Variants in METTL2A observed in about 807,000 individuals in gnomAD.
METTL2A encodes methyltransferase 2A, tRNA N3-cytidine.
A neutral mutation model predicts 49.4 loss-of-function variants in METTL2A; 45 were observed. The ratio of observed to expected loss-of-function variants is 0.91; its 90% CI spans 0.72 to 1.17. The LOEUF (loss-of-function observed/expected upper bound fraction) is 1.17. Ranked by LOEUF, METTL2A falls within the 50% of genes most tolerant of loss-of-function variation. METTL2A has a pLI of 0.00. For missense variants in METTL2A, 361 were observed against 462.2 expected (o/e 0.78, Z 2.01); for synonymous variants, 118 against 167.5 (o/e 0.70, Z 2.28).
At chr17:62,447,818 G>A in intron 8 of METTL2A, 52 bp downstream of exon 8, 1 of 1,608,088 alleles carries the variant, frequency 6.2e-7, no homozygotes, top group Non-Finnish European at 8.5e-7. Flanking sequence ...CAGATGAGAT[G>A]GTCTTCAAGG....
Position 62,423,939 on chromosome 17 carries a change from C to T in METTL2A, c.37C>T (p.Leu13Phe), listed in dbSNP as rs2070603387. ...GSYPEGAPAV[L>F]ADKRQQFGSR... The stretch of plus-strand genomic sequence containing the variant: ...CTACCCTGAAGGTGCACCTGCAGTC[C>T]TCGCCGATAAGAGGCAGCAGTTCGG... Residue 13 changes from leucine to phenylalanine, a missense_variant, in exon 1 of 9, where the codon CTC becomes TTC. Transcript: ENST00000311506. 1.2e-6 allele frequency: 2 copies of T among 1,613,730 alleles called. No individual in the cohort carries two copies. The highest frequency in any genetic ancestry group is 1.7e-6 in the Non-Finnish European group (2 of 1,179,938).
intron 8 of METTL2A, 28 bp from the exon 9 acceptor site, chr17:62,448,547 C>T: frequency 1.2e-6 from 2 of 1,609,068 alleles, no homozygotes; most frequent in Non-Finnish European, 1.7e-6. Context: ...GGGAAAAATG[C>T]ATAAACATCT....
intron 4 of METTL2A, among the ~76,000 whole-genome samples, chr17:62,431,694 G>C (rs780024192): frequency 5.0e-4 from 76 of 151,922 alleles, no homozygotes; most frequent in Non-Finnish European, 8.8e-4. Context: ...ATAATACAGT[G>C]GTTTTTTTGT....
intron 4 of METTL2A, among the ~76,000 whole-genome samples, chr17:62,430,383 A>G (rs2070656440): frequency 1.3e-5 from 2 of 152,220 alleles, no homozygotes; most frequent in African/African-American, 2.4e-5. Context: ...GCTGTGTTCA[A>G]TATCTTGCTA....
intron 7 of METTL2A, 54 bp downstream of exon 7, chr17:62,444,997 C>T: frequency 6.3e-7 from 1 of 1,580,826 alleles, no homozygotes; most frequent in Non-Finnish European, 8.6e-7. Flanking sequence ...TTTGCAGGGA[C>T]ATGGATGAAG....
intron 5 of METTL2A, among the ~76,000 whole-genome samples, chr17:62,438,407 CAAAAAAA>C (rs1232215588): frequency 9.2e-6 from 1 of 108,622 alleles, no homozygotes; most frequent in Non-Finnish European, 2.0e-5. Flanking sequence ...AACTCCATCT[CAAAAAAA>C]AAAAAAAAAA....
At chr17:62,424,395 G>T (rs947332231) in intron 2 of METTL2A, 85 bp downstream of exon 2, 6 of 1,570,856 alleles carry the variant, frequency 3.8e-6, no homozygotes, top group Admixed American at 3.8e-5. Flanking sequence ...AACCGCGGCC[G>T]CCCAGATCCT....
intron 5 of METTL2A, among the ~76,000 whole-genome samples, chr17:62,436,770 C>T (rs1348239107): frequency 2.0e-5 from 3 of 151,994 alleles, no homozygotes; most frequent in Non-Finnish European, 4.4e-5. Context: ...TGAAGTTTAC[C>T]GTATCATTTG....
chr17:62,428,806 C>T (rs1342302956), intron 4 of METTL2A, among the ~76,000 whole-genome samples: 2 of 152,198 alleles, frequency 1.3e-5, no homozygotes, highest in African/African-American at 2.4e-5. Context: ...AGTTTTGAGA[C>T]AAGCTCTTGT....
In METTL2A at chr17:62,452,294, A is replaced by G. The variant is rs554193067; in HGVS notation, c.*3565A>G. Among the ~76,000 whole-genome samples the G allele has an allele frequency of 3.3e-5, 5 of 152,252 alleles. No individual in the cohort carries two copies. In the East Asian group the frequency reaches 9.7e-4, roughly 29 times the overall value. On this transcript the variant is annotated 3_prime_UTR_variant, in exon 9 of 9. Coordinates refer to ENST00000311506, the MANE Select transcript of METTL2A (RefSeq NM_181725.4). ...TGCTGTGTTCCTCCCATAGGATCGT[A>G]TCAGGCGACACATGATTATGAATTT...
chr17:62,426,641 A>G lies in METTL2A; in HGVS notation c.545A>G (p.Tyr182Cys). 3 of 1,443,964 alleles carry G rather than the reference A, an allele frequency of 2.1e-6. No homozygotes were observed. Among genetic ancestry groups the G allele is most frequent in the Non-Finnish European group, 2.9e-6 (3 of 1,043,174 alleles). The allele number at this position is 1,443,964 out of a possible 1,614,324, so 89.4% of individuals were successfully genotyped here. Reference sequence around the variant, plus strand: ...GAGTTTCCTGGATCCTCAGCCACCTACCGAATACTGGAGGTAACCTTTTAT... The same window carrying G: ...GAGTTTCCTGGATCCTCAGCCACCTGCCGAATACTGGAGGTAACCTTTTAT... ...ADEFPGSSATYRILEVGCGVG... is the reference protein window; with the variant it reads ...ADEFPGSSATCRILEVGCGVG... Residue 182 changes from tyrosine (Y) to cysteine (C), a missense_variant, in exon 3 of 9, where the codon TAC (tyrosine) becomes TGC (cysteine). Transcript: ENST00000311506.
At chr17:62,425,564 T>A (rs1180340726) in intron 2 of METTL2A, among the ~76,000 whole-genome samples, 2 of 149,032 alleles carry the variant, frequency 1.3e-5, no homozygotes, top group Non-Finnish European at 3.0e-5. Flanking sequence ...TTTTTTGTAT[T>A]TTAGTACAGA....
At chr17:62,424,387 C>T in intron 2 of METTL2A, 77 bp downstream of exon 2, 1 of 1,585,250 alleles carries the variant, frequency 6.3e-7, no homozygotes, top group Non-Finnish European at 8.6e-7. Flanking sequence ...GGCCAGGGAA[C>T]CGCGGCCGCC....
At chr17:62,446,859 T>C (rs1003904777) in intron 7 of METTL2A, among the ~76,000 whole-genome samples, 10 of 152,160 alleles carry the variant, frequency 6.6e-5, no homozygotes, top group African/African-American at 1.2e-4. Context: ...CATCCCCCTA[T>C]ACCAGTATCT....
At chr17:62,430,943 G>T (rs370497193) in intron 4 of METTL2A, among the ~76,000 whole-genome samples, 2 of 151,746 alleles carry the variant, frequency 1.3e-5, no homozygotes, top group African/African-American at 4.8e-5. Context: ...TTGGCTCACC[G>T]CAACCTCCGC....
intron 4 of METTL2A, among the ~76,000 whole-genome samples, chr17:62,432,067 G>A (rs1215476468): frequency 1.3e-5 from 2 of 152,064 alleles, no homozygotes; most frequent in East Asian, 1.9e-4. Context: ...AGCCATCACT[G>A]CAGTCAACTT....
At chr17:62,432,314 C>T (rs963139347) in intron 4 of METTL2A, among the ~76,000 whole-genome samples, 10 of 152,188 alleles carry the variant, frequency 6.6e-5, no homozygotes, top group African/African-American at 2.2e-4. Flanking sequence ...AAAAATAATA[C>T]TCTTAGCCCT....
At chr17:62,436,542 TC>T (rs1360555761) in intron 5 of METTL2A, among the ~76,000 whole-genome samples, 2 of 151,880 alleles carry the variant, frequency 1.3e-5, no homozygotes, top group Non-Finnish European at 2.9e-5. Context: ...ACAGTGAGAC[TC>T]CATCTCAAAA....
rs561210667 is a variant in METTL2A, at chr17:62,445,681, C to T, written c.916+738C>T. ...GCATGGTGGCGCATGCCTGTAATCC[C>T]AGCTACTCGGGAGGCTGAGGCAGGA... is the stretch of plus-strand genomic sequence containing the variant. On this transcript the variant is annotated intron_variant, in intron 7 of 8. Transcript: ENST00000311506. Among the ~76,000 whole-genome samples, 43 of 152,108 alleles carry T rather than the reference C, an allele frequency of 2.8e-4. No homozygotes were observed. The South Asian group carries it at 8.9e-3, about 32-fold the overall frequency.
Sources: allele counts gnomAD v4.1 joint callset (sites outside exome capture counted in the v4.1 genomes callset), GRCh38; gene constraint gnomAD v4.1.1; transcripts MANE v1.5; gene names NCBI Gene and HGNC (gene_info 2026-07-23, HGNC 2026-07-21).